The following FANK1 variants were observed in gnomAD, a reference collection of about 807,000 sequenced individuals.
FANK1 encodes fibronectin type 3 and ankyrin repeat domains protein 1.
A neutral mutation model predicts 45.3 loss-of-function variants in FANK1; 44 were observed. That is an observed-to-expected ratio of 0.97 (90% CI 0.76 to 1.25). The LOEUF is 1.25. Ranked by LOEUF, FANK1 falls within the 50% of genes most tolerant of loss-of-function variation. FANK1 has a pLI of 0.00. For synonymous variants in FANK1, 149 were observed against 152.5 expected (o/e 0.98, Z 0.17); for missense variants, 391 against 424.4 (o/e 0.92, Z 0.69).
At chr10:125,915,791 G>GTA (rs1160552369) in intron 1 of FANK1, among the ~76,000 whole-genome samples, 1 of 152,224 alleles carries the variant, frequency 6.6e-6, no homozygotes, top group African/African-American at 2.4e-5. Flanking sequence ...TCCAGTCTGG[G>GTA]TGACGGAGGG....
intron 1 of FANK1, among the ~76,000 whole-genome samples, chr10:125,968,105 G>A (rs1177147535): frequency 6.6e-6 from 1 of 151,112 alleles, no homozygotes; most frequent in Non-Finnish European, 1.5e-5. Context: ...TTCTGAGACA[G>A]GGTCTTGCTC....
chr10:125,994,851 G>A (rs1024741919), intron 3 of FANK1: 14 of 985,186 alleles, frequency 1.4e-5, no homozygotes, highest in Admixed American at 1.2e-4. Flanking sequence ...CTGGGTCTTC[G>A]CTGGTTGGCA....
chr10:125,926,490 A>G (rs931978198), intron 1 of FANK1, among the ~76,000 whole-genome samples: 3 of 152,292 alleles, frequency 2.0e-5, no homozygotes, highest in Non-Finnish European at 2.9e-5. Context: ...GCAACCACTA[A>G]TCTGTTTTTC....
At chr10:125,898,889 G>GGTTTT (rs1369132071) in intron 1 of FANK1, among the ~76,000 whole-genome samples, 1 of 121,574 alleles carries the variant, frequency 8.2e-6, no homozygotes. Flanking sequence ...TTTAGCTCAA[G>GGTTTT]TTTTGTTGTT....
chr10:125,995,754 T>G (rs1385497778), intron 4 of FANK1, among the ~76,000 whole-genome samples: 1 of 152,208 alleles, frequency 6.6e-6, no homozygotes, highest in Non-Finnish European at 1.5e-5. Context: ...TCATATTTTC[T>G]TCCCAGAAAT....
chr10:125,900,735 T>C (rs1300428376), intron 1 of FANK1, among the ~76,000 whole-genome samples: 1 of 152,170 alleles, frequency 6.6e-6, no homozygotes, highest in Non-Finnish European at 1.5e-5. Flanking sequence ...CACTGCAACC[T>C]CCGCCTCCCA....
intron 1 of FANK1, among the ~76,000 whole-genome samples, chr10:125,905,773 A>G (rs1410520348): frequency 2.0e-5 from 3 of 152,270 alleles, no homozygotes; most frequent in Non-Finnish European, 4.4e-5. Context: ...TGTTCCCTCT[A>G]TTTTCTCTTA....
intron 6 of FANK1, among the ~76,000 whole-genome samples, chr10:126,003,686 T>TA (rs397784747): frequency 1.3e-5 from 2 of 151,854 alleles, no homozygotes; most frequent in East Asian, 1.9e-4. Context: ...TTATTTTTTT[T>TA]ATTTTTTGAG....
chr10:125,972,892 C>T (rs1353982139), intron 1 of FANK1: 1 of 78,532 alleles, frequency 1.3e-5, no homozygotes, highest in Non-Finnish European at 2.6e-5. Flanking sequence ...TACCTGCCCC[C>T]AACACACACA....
chr10:125,922,678 C>T (rs942649563), intron 1 of FANK1, among the ~76,000 whole-genome samples: 1 of 152,126 alleles, frequency 6.6e-6, no homozygotes, highest in Non-Finnish European at 1.5e-5. Context: ...CCATGCCCAG[C>T]TAATTTTTGT....
At chr10:125,915,894 T>C (rs1440870972) in intron 1 of FANK1, among the ~76,000 whole-genome samples, 1 of 152,224 alleles carries the variant, frequency 6.6e-6, no homozygotes, top group African/African-American at 2.4e-5. Flanking sequence ...TTTGTAGTGA[T>C]TGGCATTTTC....
At chr10:125,908,604 G>A (rs549072872) in intron 1 of FANK1, among the ~76,000 whole-genome samples, 1 of 152,090 alleles carries the variant, frequency 6.6e-6, no homozygotes, top group Non-Finnish European at 1.5e-5. Context: ...CAGGGGAAAG[G>A]GTGGGAGGGG....
intron 1 of FANK1, among the ~76,000 whole-genome samples, chr10:125,905,187 C>T (rs150211387): frequency 8.2e-4 from 125 of 152,284 alleles, no homozygotes; most frequent in Admixed American, 2.4e-3. Context: ...GTCCCAGCTA[C>T]TCTGGAGGCT....
chr10:125,955,319 C>G (rs1949510038), intron 1 of FANK1, among the ~76,000 whole-genome samples: 1 of 151,998 alleles, frequency 6.6e-6, no homozygotes. Context: ...ACCATGTGTT[C>G]TCATCATTCA....
intron 3 of FANK1, among the ~76,000 whole-genome samples, chr10:125,991,540 T>C (rs1228206089): frequency 6.6e-6 from 1 of 152,188 alleles, no homozygotes; most frequent in Non-Finnish European, 1.5e-5. Context: ...GTGCACATGA[T>C]ACAAAATGCT....
chr10:125,897,629 T>C lies in FANK1; in HGVS notation c.13+974T>C, dbSNP rs1396945878. On this transcript the variant is annotated intron_variant, in intron 1 of 10. Coordinates refer to ENST00000368693, the MANE Select transcript of FANK1 (RefSeq NM_145235.5). ...TCCACCAAGAAAGTTTCAAATACTT[T>C]TCCTTTTAACTCATTTGCTGAGGAG... Among the ~76,000 whole-genome samples, 4 of 152,410 alleles carry C rather than the reference T, an allele frequency of 2.6e-5. No individual in the cohort carries two copies. The South Asian group carries it at 8.3e-4, about 32-fold the overall frequency.
At chr10:125,913,990 A>T (rs937614613) in intron 1 of FANK1, among the ~76,000 whole-genome samples, 1 of 152,126 alleles carries the variant, frequency 6.6e-6, no homozygotes, top group African/African-American at 2.4e-5. Context: ...TTGTGAGTGG[A>T]GGGGGATGGA....
Position 125,938,170 on chromosome 10 carries a change from A to G in FANK1, c.13+41515A>G, listed in dbSNP as rs911990853. On this transcript the variant is annotated intron_variant, in intron 1 of 10. Coordinates refer to ENST00000368693, the MANE Select transcript of FANK1 (RefSeq NM_145235.5). ...TATTCTGGGATTGAACAATTGAGAA[A>G]CTATATCGATGCTTTTGGAAAACAG... Among the ~76,000 whole-genome samples the G allele has an allele frequency of 8.5e-5, 13 of 152,316 alleles. No homozygotes were observed. The East Asian group carries it at 2.5e-3, about 29-fold the overall frequency.
chr10:125,933,359 A>G (rs1947874001), intron 1 of FANK1, among the ~76,000 whole-genome samples: 1 of 151,992 alleles, frequency 6.6e-6, no homozygotes, highest in Admixed American at 6.6e-5. Flanking sequence ...GATTTAAGCT[A>G]GGAGGGTTGT....
Sources: allele counts gnomAD v4.1 joint callset (sites outside exome capture counted in the v4.1 genomes callset), GRCh38; gene constraint gnomAD v4.1.1; transcripts MANE v1.5; gene names NCBI Gene and HGNC (gene_info 2026-07-23, HGNC 2026-07-21).